Variants in ZNF236 observed in about 807,000 individuals in gnomAD.
ZNF236 encodes the protein zinc finger protein 236.
Under a neutral mutation model 191.2 loss-of-function variants are expected in ZNF236, and 50 were observed. The observed-to-expected ratio is 0.26, with a 90% CI of 0.21 to 0.33. The LOEUF (loss-of-function observed/expected upper bound fraction) is 0.33. Ranked by LOEUF, ZNF236 falls within the 10% of genes least tolerant of loss-of-function variation. The pLI is 1.00. For missense variants in ZNF236, 1,754 were observed against 2,374.5 expected, an observed-to-expected ratio of 0.74 and a Z score of 5.43; for synonymous variants, 907 against 928.8, an observed-to-expected ratio of 0.98 and a Z score of 0.43.
chr18:76,925,925 C>A lies in ZNF236; in HGVS notation c.4027+371C>A, dbSNP rs187115743. On this transcript the variant is annotated intron_variant, in intron 22 of 30. Coordinates refer to ENST00000320610, the MANE Select transcript of ZNF236 (RefSeq NM_001306089.2). This position sits in a 1 kb window ranked among gnomAD's most constrained non-coding sequence, Gnocchi z 5.7. The stretch of plus-strand genomic sequence containing the variant: ...TAGTGCAGTTTTCCAGTTGTTCTTG[C>A]GTCTCATAGTGCTTGAGAAGTGTTA... 1.4e-3 allele frequency among the ~76,000 whole-genome samples: 215 copies of A among 152,278 alleles called. No homozygotes were observed. Among genetic ancestry groups the A allele is most frequent in the African/African-American group, 3.1e-3 (127 of 41,544 alleles).
intron 4 of ZNF236, among the ~76,000 whole-genome samples, chr18:76,869,238 G>C (rs890331666): frequency 1.3e-5 from 2 of 152,204 alleles, no homozygotes; most frequent in African/African-American, 2.4e-5. Flanking sequence ...GCCTGACACT[G>C]TTCTTAGCGT....
At position 76,972,429 on chromosome 18, in the gene ZNF236, TCACACACTCACC is replaced by T. The variant is rs1433606874; in HGVS notation, c.*4104_*4115del. Among the ~76,000 whole-genome samples the T allele has an allele frequency of 2.0e-5, 3 of 151,922 alleles. No homozygotes were observed. The highest frequency in any genetic ancestry group is 1.9e-4 in the East Asian group (1 of 5,160). On this transcript the variant is annotated 3_prime_UTR_variant, in exon 31 of 31. Coordinates refer to ENST00000320610, the MANE Select transcript of ZNF236 (RefSeq NM_001306089.2). ...ATGAGCACATAGCTCACCCTCACCCTCACACACTCACCCACACACTCACCCTCACACTCACCC... is the reference window on the plus strand; with the variant it reads ...ATGAGCACATAGCTCACCCTCACCCTCACACACTCACCCTCACACTCACCC...
At chr18:76,840,784 T>TGTGTGTGTGTGCGC (rs1247496698) in intron 1 of ZNF236, 34 of 146,058 alleles carry the variant, frequency 2.3e-4, no homozygotes, top group African/African-American at 8.1e-4. Context: ...CCTGTGTGTG[T>TGTGTGTGTGTGCGC]GTGTGTGTGT....
intron 27 of ZNF236, 101 bp downstream of exon 27, chr18:76,947,753 A>C (rs1393364462): frequency 7.0e-7 from 1 of 1,426,414 alleles, no homozygotes; most frequent in Non-Finnish European, 9.4e-7. Flanking sequence ...TGTGTGACCC[A>C]GGTGGCTGGG....
chr18:76,968,153 A>G (rs1407439506), intron 30 of ZNF236, 62 bp from the exon 31 acceptor site: 2 of 1,589,274 alleles, frequency 1.3e-6, no homozygotes, highest in Non-Finnish European at 1.7e-6. Context: ...TTATTTAAAT[A>G]GGAATCATTT....
intron 25 of ZNF236, chr18:76,935,846 C>G: frequency 2.7e-6 from 1 of 374,502 alleles, no homozygotes; most frequent in South Asian, 2.0e-5. Flanking sequence ...AGGCCACACT[C>G]CTCGGGCTCC....
intron 26 of ZNF236, among the ~76,000 whole-genome samples, chr18:76,942,772 A>T (rs1318540241): frequency 6.8e-6 from 1 of 147,448 alleles, no homozygotes; most frequent in Non-Finnish European, 1.5e-5. Context: ...CCTTGGCCTC[A>T]CAAAGTGCTG....
chr18:76,848,286 C>T (rs548385188), intron 1 of ZNF236, among the ~76,000 whole-genome samples: 1 of 152,156 alleles, frequency 6.6e-6, no homozygotes, highest in South Asian at 2.1e-4. Flanking sequence ...TTCAGCTTAC[C>T]CTGTACTCTA....
In ZNF236 at chr18:76,925,882, A is replaced by G. The variant is rs184325267; in HGVS notation, c.4027+328A>G. ...GAGAAGTGTAATTTATAAATACTCA[A>G]TAGCATTGTTTTTGATATAGTGCAG... On this transcript the variant is annotated intron_variant, in intron 22 of 30. Transcript: ENST00000320610. The surrounding 1 kb of genome is among the most constrained non-coding windows in gnomAD (Gnocchi z 5.7). Among the ~76,000 whole-genome samples, 2 of 152,220 alleles carry G rather than the reference A, an allele frequency of 1.3e-5. No homozygotes were observed. Among genetic ancestry groups the G allele is most frequent in the African/African-American group, 2.4e-5 (1 of 41,464 alleles).
intron 3 of ZNF236, among the ~76,000 whole-genome samples, chr18:76,856,310 G>C (rs944838087): frequency 3.9e-5 from 6 of 152,018 alleles, no homozygotes; most frequent in African/African-American, 1.4e-4. Context: ...AGCCTCCTGA[G>C]TAGCTGGAAT....
At chr18:76,867,788 C>G (rs1214270132) in intron 3 of ZNF236, among the ~76,000 whole-genome samples, 1 of 152,182 alleles carries the variant, frequency 6.6e-6, no homozygotes, top group Non-Finnish European at 1.5e-5. Context: ...AACCTCGTAA[C>G]AGCCCTGTGA....
intron 27 of ZNF236, among the ~76,000 whole-genome samples, chr18:76,948,334 A>G (rs574295401): frequency 6.6e-6 from 1 of 152,278 alleles, no homozygotes; most frequent in South Asian, 2.1e-4. Flanking sequence ...GGGCTTTTTC[A>G]CAAAGAGATG....
chr18:76,854,404 C>G (rs1431553648), intron 3 of ZNF236, among the ~76,000 whole-genome samples: 1 of 151,952 alleles, frequency 6.6e-6, no homozygotes, highest in East Asian at 1.9e-4. Flanking sequence ...TACCTGCTCC[C>G]TCTTTTCACT....
chr18:76,860,972 A>G (rs1976202057), intron 3 of ZNF236, among the ~76,000 whole-genome samples: 2 of 152,094 alleles, frequency 1.3e-5, no homozygotes, highest in Non-Finnish European at 1.5e-5. Flanking sequence ...AGCTGTGAGG[A>G]TGCTTCACAG....
At chr18:76,883,270 C>A (rs1330121651) in intron 9 of ZNF236, among the ~76,000 whole-genome samples, 1 of 150,998 alleles carries the variant, frequency 6.6e-6, no homozygotes, top group Non-Finnish European at 1.5e-5. Flanking sequence ...TTGAATCAAT[C>A]AAATACACAT....
intron 6 of ZNF236, among the ~76,000 whole-genome samples, chr18:76,877,544 T>C (rs1324832613): frequency 6.6e-6 from 1 of 151,954 alleles, no homozygotes; most frequent in Non-Finnish European, 1.5e-5. Flanking sequence ...ATACAGAATA[T>C]CAAAATTGAT....
intron 1 of ZNF236, among the ~76,000 whole-genome samples, chr18:76,826,444 T>C (rs1975022237): frequency 6.6e-6 from 1 of 151,514 alleles, no homozygotes; most frequent in Non-Finnish European, 1.5e-5. Context: ...ATTTGGAAAG[T>C]CCACCCAGTT....
chr18:76,845,216 G>A (rs1975640602), intron 1 of ZNF236, among the ~76,000 whole-genome samples: 1 of 152,090 alleles, frequency 6.6e-6, no homozygotes, highest in Admixed American at 6.6e-5. Context: ...TAAAGTTCTT[G>A]GTAGCAGAAA....
In ZNF236 at chr18:76,972,408, G is replaced by A. The variant is rs1268594970; in HGVS notation, c.*4069G>A. On this transcript the variant is annotated 3_prime_UTR_variant, in exon 31 of 31. Coordinates refer to ENST00000320610, the MANE Select transcript of ZNF236 (RefSeq NM_001306089.2). ...TCCTCAGACCCCCATGCACGGATGAGCACATAGCTCACCCTCACCCTCACA... is the reference window on the plus strand; with the variant it reads ...TCCTCAGACCCCCATGCACGGATGAACACATAGCTCACCCTCACCCTCACA... Among the ~76,000 whole-genome samples, 1 of 152,030 alleles carries A rather than the reference G, an allele frequency of 6.6e-6. No homozygotes were observed. The highest frequency in any genetic ancestry group is 1.5e-5 in the Non-Finnish European group (1 of 68,018).
Sources: gnomAD v4.1 joint callset for allele counts (sites outside exome capture counted in the v4.1 genomes callset) on GRCh38, gnomAD v4.1.1 for gene constraint, Gnocchi (gnomAD v3.1) non-coding constraint, MANE v1.5 for transcripts, NCBI Gene and HGNC (gene_info 2026-07-23, HGNC 2026-07-21) for gene names.